The following CPS1 variants were observed in gnomAD, a reference collection of about 807,000 sequenced individuals.
CPS1 encodes the protein carbamoyl-phosphate synthase [ammonia], mitochondrial.
In CPS1, 109 loss-of-function variants were observed where a neutral mutation model predicts 174.6. The observed-to-expected ratio is 0.62, with a 90% CI of 0.53 to 0.73. The LOEUF (loss-of-function observed/expected upper bound fraction) is 0.73, where lower values mean the gene tolerates loss of function less well. CPS1 is among the 30% of genes least tolerant of loss of function. The pLI, the probability that CPS1 is intolerant of heterozygous loss-of-function variation, is 0.00. For missense variants in CPS1, 1,689 were observed against 1,821.9 expected, an observed-to-expected ratio of 0.93 and a Z score of 1.33; for synonymous variants, 637 against 632.0, an observed-to-expected ratio of 1.01 and a Z score of -0.12.
intron 1 of CPS1, among the ~76,000 whole-genome samples, chr2:210,488,816 T>G (rs987435988): frequency 5.9e-5 from 9 of 152,178 alleles, no homozygotes; most frequent in Non-Finnish European, 2.9e-5. Flanking sequence ...ACTTTTTGAT[T>G]TATAATTGTA....
At position 210,576,501 on chromosome 2, in the gene CPS1, T is replaced by G; in HGVS notation, c.381+11T>G. On this transcript the variant is annotated intron_variant, in intron 3 of 37. Coordinates refer to ENST00000233072, the MANE Select transcript of CPS1 (RefSeq NM_001875.5). ...TCTAATGGAATCAAGGTAGTACCAG[T>G]GGTGGCCATTTAAAAAGTCTCAATT... 6.2e-7 allele frequency: 1 copy of G among 1,613,362 alleles called. No individual in the cohort carries two copies. Among genetic ancestry groups the G allele is most frequent in the Non-Finnish European group, 8.5e-7 (1 of 1,179,400 alleles).
At chr2:210,575,296 C>T (rs931997478) in intron 2 of CPS1, among the ~76,000 whole-genome samples, 19 of 151,956 alleles carry the variant, frequency 1.3e-4, no homozygotes, top group African/African-American at 3.9e-4. Flanking sequence ...CCCCTGAGCA[C>T]CTAAATTCAC....
chr2:210,588,154 A>C lies in CPS1; in HGVS notation c.711+7A>C, dbSNP rs756703955. The C allele has an allele frequency of 2.5e-6, 4 of 1,610,246 alleles. No individual in the cohort carries two copies. The East Asian group carries it at 8.9e-5, about 36-fold the overall frequency. On this transcript the variant is annotated splice_region_variant and intron_variant, in intron 7 of 37. Transcript: ENST00000233072. ...AATCCGCCTGCTAGTAAAGGTAAGTAATTTGTTCATTTCAAAGGTGAGGGT... is the reference window on the plus strand; with the variant it reads ...AATCCGCCTGCTAGTAAAGGTAAGTCATTTGTTCATTTCAAAGGTGAGGGT...
chr2:210,529,437 T>TA (rs1350131741), intron 1 of CPS1, among the ~76,000 whole-genome samples: 2 of 151,996 alleles, frequency 1.3e-5, no homozygotes, highest in Non-Finnish European at 2.9e-5. Flanking sequence ...CCATTTGTTT[T>TA]CTCCAGTTAG....
intron 34 of CPS1, among the ~76,000 whole-genome samples, chr2:210,671,434 T>A (rs1701299304): frequency 6.6e-6 from 1 of 152,220 alleles, no homozygotes; most frequent in Non-Finnish European, 1.5e-5. Flanking sequence ...AGGAGTTGGA[T>A]AAATGTGAAA....
At chr2:210,578,202 G>A (rs1223289501) in intron 4 of CPS1, among the ~76,000 whole-genome samples, 4 of 152,068 alleles carry the variant, frequency 2.6e-5, no homozygotes, top group African/African-American at 9.7e-5. Flanking sequence ...TCCACCTCCA[G>A]GGTTCAAGCT....
At chr2:210,676,404 C>G (rs572588914) in intron 36 of CPS1, among the ~76,000 whole-genome samples, 3 of 152,180 alleles carry the variant, frequency 2.0e-5, no homozygotes, top group Non-Finnish European at 4.4e-5. Flanking sequence ...CCTTAAAGAT[C>G]TATGTGGCAT....
chr2:210,582,567 C>T, intron 5 of CPS1, 50 bp from the exon 6 acceptor site: 1 of 1,380,804 alleles, frequency 7.2e-7, no homozygotes, highest in Non-Finnish European at 1.0e-6. Context: ...ATCTTGTCAA[C>T]ACCTTTATCG....
At chr2:210,662,972 C>T (rs988272129) in intron 32 of CPS1, 151 bp from the exon 33 acceptor site, 8 of 757,996 alleles carry the variant, frequency 1.1e-5, no homozygotes, top group African/African-American at 3.6e-5. Context: ...TCTTTCAAGT[C>T]GGATGCTTGG....
At chr2:210,557,822 C>T (rs1696965532) in intron 1 of CPS1, among the ~76,000 whole-genome samples, 1 of 152,012 alleles carries the variant, frequency 6.6e-6, no homozygotes, top group African/African-American at 2.4e-5. Flanking sequence ...TTATACTTTG[C>T]ATGCTCATTG....
intron 19 of CPS1, among the ~76,000 whole-genome samples, chr2:210,609,660 T>G (rs1302955110): frequency 3.3e-5 from 5 of 151,936 alleles, no homozygotes; most frequent in Admixed American, 2.6e-4. Context: ...CATCTCTATT[T>G]CTGTTGTGGC....
At chr2:210,490,361 A>G (rs995642609) in intron 1 of CPS1, among the ~76,000 whole-genome samples, 16 of 152,138 alleles carry the variant, frequency 1.1e-4, no homozygotes, top group African/African-American at 2.7e-4. Flanking sequence ...AAGATTTTCT[A>G]TGTAGGCTTA....
At chr2:210,576,600 C>T in intron 3 of CPS1, 110 bp downstream of exon 3, 2 of 1,111,734 alleles carry the variant, frequency 1.8e-6, no homozygotes, top group South Asian at 1.3e-5. Flanking sequence ...TAGTACAAAT[C>T]ATTAAGCTCA....
chr2:210,674,940 A>G lies in CPS1; in HGVS notation c.4140A>G (p.Gln1380=), dbSNP rs745509889. ...CAAGATTCCTTGGTGTGGCTGAACAATTACACAATGAAGGTTTCAAGGTAT... is the reference window on the plus strand; with the variant it reads ...CAAGATTCCTTGGTGTGGCTGAACAGTTACACAATGAAGGTTTCAAGGTAT... The part of the protein sequence containing the change: ...FRPRFLGVAE[Q]LHNEGFKLFA... Residue 1380 remains glutamine, a synonymous_variant, in exon 35 of 38, where the codon CAA becomes CAG. Coordinates refer to ENST00000233072, the MANE Select transcript of CPS1 (RefSeq NM_001875.5). The G allele has an allele frequency of 6.2e-7, 1 of 1,613,722 alleles. No individual in the cohort carries two copies.
chr2:210,488,176 C>A (rs1416240836), intron 1 of CPS1, among the ~76,000 whole-genome samples: 1 of 150,316 alleles, frequency 6.7e-6, no homozygotes, highest in African/African-American at 2.4e-5. Flanking sequence ...TTTTTTTAAA[C>A]TGCAGAAATC....
intron 25 of CPS1, among the ~76,000 whole-genome samples, chr2:210,644,967 T>A (rs1700331866): frequency 6.6e-6 from 1 of 152,166 alleles, no homozygotes; most frequent in Non-Finnish European, 1.5e-5. Flanking sequence ...ATATTTGAAA[T>A]TTAGAATATT....
chr2:210,485,072 CA>C (rs898282226), intron 1 of CPS1, among the ~76,000 whole-genome samples: 4 of 148,540 alleles, frequency 2.7e-5, no homozygotes, highest in Admixed American at 1.3e-4. Context: ...ACTAAAAATA[CA>C]AAAAAAAATT....
chr2:210,615,495 G>A (rs1401758650), intron 20 of CPS1, among the ~76,000 whole-genome samples: 3 of 151,930 alleles, frequency 2.0e-5, no homozygotes, highest in African/African-American at 7.2e-5. Context: ...AGAGTTACTA[G>A]TTGCATATAT....
chr2:210,568,252 G>T (rs187003191), intron 1 of CPS1, among the ~76,000 whole-genome samples: 3 of 152,070 alleles, frequency 2.0e-5, no homozygotes, highest in Non-Finnish European at 4.4e-5. Context: ...AGGCAACGAG[G>T]AAGACATTTA....
Sources: allele counts gnomAD v4.1 joint callset (sites outside exome capture counted in the v4.1 genomes callset), GRCh38; gene constraint gnomAD v4.1.1; transcripts MANE v1.5; gene names NCBI Gene and HGNC (gene_info 2026-07-23, HGNC 2026-07-21).